CORO7: variants seen among roughly 807,000 people sequenced by gnomAD.
CORO7 encodes coronin-7.
Under a neutral mutation model 126.6 loss-of-function variants are expected in CORO7, and 107 were observed. The observed-to-expected ratio is 0.85, with a 90% CI of 0.72 to 0.99. The LOEUF is 0.99. CORO7 is among the 50% of genes least tolerant of loss of function. The probability of loss-of-function intolerance (pLI) is 0.00; values close to 1 mark genes in which losing one functional copy is unlikely to be tolerated. For missense variants in CORO7, 1,314 were observed against 1,255.8 expected (o/e 1.05, Z -0.70); for synonymous variants, 603 against 536.8 (o/e 1.12, Z -1.70).
intron 7 of CORO7, among the ~76,000 whole-genome samples, 193 bp downstream of exon 7, chr16:4,395,096 G>A (rs2055534729): frequency 6.6e-6 from 1 of 152,170 alleles, no homozygotes; most frequent in African/African-American, 2.4e-5. Flanking sequence ...TCAAAGCCAG[G>A]CCCTCCCAGG....
chr16:4,404,955 C>G (rs1200040407), intron 6 of CORO7, among the ~76,000 whole-genome samples: 2 of 152,184 alleles, frequency 1.3e-5, no homozygotes, highest in Non-Finnish European at 1.5e-5. Flanking sequence ...ACAACCCTTA[C>G]TCACCACCCA....
intron 9 of CORO7, chr16:4,382,975 C>T (rs557206727): frequency 3.5e-6 from 5 of 1,409,798 alleles, no homozygotes; most frequent in Non-Finnish European, 4.7e-6. Context: ...TGCCACACCA[C>T]GTAAGTTCTC....
At chr16:4,367,179 C>T (rs7198270) in intron 9 of CORO7, among the ~76,000 whole-genome samples, 6 of 152,076 alleles carry the variant, frequency 3.9e-5, no homozygotes, top group African/African-American at 1.5e-4. Flanking sequence ...CAGGCCCCTA[C>T]TTACTGAGGG....
At chr16:4,395,989 GCACA>G (rs1460017400) in intron 6 of CORO7, among the ~76,000 whole-genome samples, 17 of 46,696 alleles carry the variant, frequency 3.6e-4, no homozygotes, top group Non-Finnish European at 5.9e-4. Context: ...GTGTGTGCAT[GCACA>G]CGTTGTGTGT....
chr16:4,382,619 C>CCCTGGCCGCGGTGCT lies in CORO7; in HGVS notation c.785+5352_785+5366dup. 5 of 1,578,072 alleles carry CCCTGGCCGCGGTGCT rather than the reference C, an allele frequency of 3.2e-6. No homozygotes were observed. In the South Asian group the frequency reaches 5.8e-5, roughly 18 times the overall value. The stretch of plus-strand genomic sequence containing the variant: ...AACCTGCCGCTCCTCATTGCGCCCG[C>CCCTGGCCGCGGTGCT]CCTGGCCGCGGTGCTCCTGGCCGCG... On this transcript the variant is annotated intron_variant, in intron 9 of 27. Transcript: ENST00000251166.
rs140692774 is a variant in CORO7, at chr16:4,401,039, T to G, written c.564+4452A>C. On this transcript the variant is annotated intron_variant, in intron 6 of 27. Transcript: ENST00000251166. ...AGGGGAAAACCAAGTGAATTCCCGC[T>G]CCATGTGCAGCCCCTCCCTGAGAGA... Among the ~76,000 whole-genome samples, 218 of 152,236 alleles carry G rather than the reference T, an allele frequency of 1.4e-3. 1 individual carries two copies. Among genetic ancestry groups the G allele is most frequent in the Non-Finnish European group, 1.5e-3 (100 of 68,014 alleles).
intron 9 of CORO7, among the ~76,000 whole-genome samples, chr16:4,386,850 T>C (rs990084813): frequency 6.6e-6 from 1 of 152,132 alleles, no homozygotes; most frequent in African/African-American, 2.4e-5. Context: ...GGGGAAGCCC[T>C]TGGCAGGAGC....
rs201343195 is a variant in CORO7 at position 4,359,362 on chromosome 16, G to A, written c.2274C>T (p.Tyr758=). The change falls in exon 23 of 28, where the codon TAC becomes TAT. Residue 758 remains tyrosine, a synonymous_variant. Coordinates refer to ENST00000251166, the MANE Select transcript of CORO7 (RefSeq NM_024535.5). ...TGKGDTRVFL[Y]ELLPESPFFL... ...AGAAAGGGGACTCGGGGAGCAGCTCGTACAGGAATACACGGGTGTCGCCCT... is the reference window on the plus strand; with the variant it reads ...AGAAAGGGGACTCGGGGAGCAGCTCATACAGGAATACACGGGTGTCGCCCT... 87 of 1,613,480 alleles carry A rather than the reference G, an allele frequency of 5.4e-5. No individual in the cohort carries two copies. The highest frequency in any genetic ancestry group is 6.7e-5 in the East Asian group (3 of 44,884).
chr16:4,413,314 G>T lies in CORO7; in HGVS notation c.151C>A (p.Arg51Ser). ...ACTCATGGCCATTCCCTACCAGGACGGTCGGAGTTGAAGGCGATCAAGCTG... is the reference window on the plus strand; with the variant it reads ...ACTCATGGCCATTCCCTACCAGGACTGTCGGAGTTGAAGGCGATCAAGCTG... Reference protein sequence around the residue: ...SCSLIAFNSDRPGVLGIVPLQ... With the variant: ...SCSLIAFNSDSPGVLGIVPLQ... The change falls in exon 2 of 28, where the codon CGT becomes AGT. Residue 51 changes from arginine to serine, a missense_variant. Arg to Ser is a moderately radical substitution (Grantham distance 110, BLOSUM62 -1). Coordinates refer to ENST00000251166, the MANE Select transcript of CORO7 (RefSeq NM_024535.5). 6.3e-7 allele frequency: 1 copy of T among 1,577,702 alleles called. No homozygotes were observed. The highest frequency in any genetic ancestry group is 8.6e-7 in the Non-Finnish European group (1 of 1,160,444).
Position 4,357,960 on chromosome 16 carries a change from C to G in CORO7, c.2593+8G>C. 6.3e-7 allele frequency: 1 copy of G among 1,593,048 alleles called. No homozygotes were observed. The highest frequency in any genetic ancestry group is 8.6e-7 in the Non-Finnish European group (1 of 1,163,468). ...CGCTTCCTCCCCACACCCAGTCCCT[C>G]GGTGCACCTGGGCTCATGTCAGGAG... is the stretch of plus-strand genomic sequence containing the variant. On this transcript the variant is annotated splice_region_variant and intron_variant, in intron 25 of 27. Transcript: ENST00000251166.
rs2054093731 is a variant in CORO7 at position 4,359,606 on chromosome 16, C to G, written c.2124G>C (p.Gln708His). ...VSGFDSQSER[Q>H]LLLYEAEALA... ...GGGCCTCAGCTTCATATAGGAGCAG[C>G]TGGCGCTCACTTTGGCTGCAAGGGG... Residue 708 changes from glutamine to histidine, a missense_variant, in exon 22 of 28, where the codon CAG becomes CAC. Coordinates refer to ENST00000251166, the MANE Select transcript of CORO7 (RefSeq NM_024535.5). The G allele has an allele frequency of 6.2e-7, 1 of 1,600,198 alleles. No individual in the cohort carries two copies. Among genetic ancestry groups the G allele is most frequent in the Middle Eastern group, 1.7e-4 (1 of 5,996 alleles).
At position 4,364,382 on chromosome 16, in the gene CORO7, C is replaced by A; in HGVS notation, c.1169G>T (p.Arg390Leu). 1.3e-6 allele frequency: 2 copies of A among 1,514,636 alleles called. No homozygotes were observed. Among genetic ancestry groups the A allele is most frequent in the East Asian group, 2.3e-5 (1 of 43,710 alleles). 93.8% of individuals were successfully genotyped at this position (1,514,636 alleles called of 1,614,324 possible). ...VQKVSLNPAC[R>L]PHPSFTSCLV... ...ACAGGAAGTGAAGCTCGGGTGGGGC[C>A]GGCAGGCGGGGTTGAGGCTGACCTT... is the stretch of plus-strand genomic sequence containing the variant. The change falls in exon 14 of 28, where the codon CGG (arginine) becomes CTG (leucine). Residue 390 changes from arginine to leucine, a missense_variant. Coordinates refer to ENST00000251166, the MANE Select transcript of CORO7 (RefSeq NM_024535.5).
At chr16:4,402,837 G>A (rs980687891) in intron 6 of CORO7, among the ~76,000 whole-genome samples, 1 of 152,208 alleles carries the variant, frequency 6.6e-6, no homozygotes, top group African/African-American at 2.4e-5. Flanking sequence ...CGTGAGGAGA[G>A]CGCGCCCCCT....
At chr16:4,388,681 C>T (rs373202861) in intron 7 of CORO7, 50 bp from the exon 8 acceptor site, 4 of 1,572,180 alleles carry the variant, frequency 2.5e-6, no homozygotes, top group Admixed American at 1.9e-5. Flanking sequence ...TGCTGGTGGG[C>T]GGGGCCCCCT....
intron 6 of CORO7, among the ~76,000 whole-genome samples, chr16:4,403,673 C>T (rs1026977684): frequency 6.6e-6 from 1 of 152,006 alleles, no homozygotes; most frequent in Non-Finnish European, 1.5e-5. Context: ...AAGCCGGTGG[C>T]CCATGGGGCT....
At chr16:4,385,569 C>G (rs1567279119) in intron 9 of CORO7, among the ~76,000 whole-genome samples, 1 of 152,178 alleles carries the variant, frequency 6.6e-6, no homozygotes, top group Non-Finnish European at 1.5e-5. Flanking sequence ...CAGTCCCTCT[C>G]GTTATCCCCC....
intron 9 of CORO7, among the ~76,000 whole-genome samples, chr16:4,368,271 C>T (rs537271703): frequency 6.6e-6 from 1 of 151,980 alleles, no homozygotes; most frequent in Non-Finnish European, 1.5e-5. Flanking sequence ...CACTTGAACC[C>T]GGCAGGTGGA....
intron 3 of CORO7, among the ~76,000 whole-genome samples, chr16:4,409,564 A>G (rs1286153826): frequency 2.0e-5 from 3 of 152,214 alleles, no homozygotes; most frequent in Non-Finnish European, 4.4e-5. Flanking sequence ...AGCATCCCCT[A>G]CTGGAGGATG....
chr16:4,414,122 C>T (rs1233042494), intron 1 of CORO7, among the ~76,000 whole-genome samples: 1 of 148,602 alleles, frequency 6.7e-6, no homozygotes, highest in Non-Finnish European at 1.5e-5. Context: ...ACCTGGGAGG[C>T]GGAAGTTGCA....
Sources: gnomAD v4.1 joint callset for allele counts (sites outside exome capture counted in the v4.1 genomes callset) on GRCh38, gnomAD v4.1.1 for gene constraint, MANE v1.5 for transcripts, NCBI Gene and HGNC (gene_info 2026-07-23, HGNC 2026-07-21) for gene names.